TBCK: variants seen among roughly 807,000 people sequenced by gnomAD.
The protein encoded by TBCK is TBC domain-containing protein kinase-like protein.
Under a neutral mutation model 113.4 loss-of-function variants are expected in TBCK, and 99 were observed. The ratio of observed to expected loss-of-function variants is 0.87; its 90% CI spans 0.74 to 1.03. The LOEUF (loss-of-function observed/expected upper bound fraction) is 1.03. TBCK is among the 50% of genes least tolerant of loss of function. The pLI is 0.00. For synonymous variants in TBCK, 369 were observed against 370.8 expected, an observed-to-expected ratio of 1.00 and a Z score of 0.05; for missense variants, 1,045 against 1,061.3, an observed-to-expected ratio of 0.98 and a Z score of 0.21.
At chr4:106,124,838 C>T (rs1256620678) in intron 23 of TBCK, among the ~76,000 whole-genome samples, 2 of 150,340 alleles carry the variant, frequency 1.3e-5, no homozygotes, top group Admixed American at 6.7e-5. Context: ...ATATCACACT[C>T]TGGGGACTGT....
intron 24 of TBCK, among the ~76,000 whole-genome samples, chr4:106,102,240 C>A (rs989353190): frequency 2.0e-5 from 3 of 152,160 alleles, no homozygotes; most frequent in African/African-American, 7.2e-5. Context: ...CAGCTTTCTT[C>A]TTCTGTATTC....
At chr4:106,172,406 A>G (rs532479959) in intron 22 of TBCK, among the ~76,000 whole-genome samples, 2 of 152,226 alleles carry the variant, frequency 1.3e-5, no homozygotes, top group Admixed American at 1.3e-4. Context: ...CCAGTCCTCT[A>G]TGGCGAAAGT....
At chr4:106,260,172 G>A (rs1052020402) in intron 5 of TBCK, among the ~76,000 whole-genome samples, 9 of 151,804 alleles carry the variant, frequency 5.9e-5, no homozygotes, top group Non-Finnish European at 1.2e-4. Context: ...ATGAAATACA[G>A]ATAATTAGGA....
intron 23 of TBCK, among the ~76,000 whole-genome samples, chr4:106,122,036 G>A (rs1286690122): frequency 1.3e-5 from 2 of 152,134 alleles, no homozygotes; most frequent in African/African-American, 4.8e-5. Context: ...GAGCAGAACT[G>A]AAGGAAATAG....
At chr4:106,221,508 G>C (rs1480962052) in intron 19 of TBCK, among the ~76,000 whole-genome samples, 1 of 151,990 alleles carries the variant, frequency 6.6e-6, no homozygotes, top group East Asian at 1.9e-4. Context: ...ACAAAGTTCT[G>C]TCTCTAAAGG....
chr4:106,236,936 T>C (rs1579348861), intron 12 of TBCK, 128 bp from the exon 13 acceptor site: 9 of 448,100 alleles, frequency 2.0e-5, no homozygotes, highest in African/African-American at 4.1e-5. Flanking sequence ...TAAAATAGAG[T>C]CTAAAAATCA....
At chr4:106,302,325 G>C (rs1367771938) in intron 2 of TBCK, among the ~76,000 whole-genome samples, 1 of 152,102 alleles carries the variant, frequency 6.6e-6, no homozygotes, top group African/African-American at 2.4e-5. Context: ...ACAACAATCA[G>C]TAGAACGATT....
At chr4:106,160,864 CAA>C (rs1749691605) in intron 23 of TBCK, among the ~76,000 whole-genome samples, 1 of 151,794 alleles carries the variant, frequency 6.6e-6, no homozygotes, top group Non-Finnish European at 1.5e-5. Flanking sequence ...GGGAGTAACC[CAA>C]GTGTCTACTG....
chr4:106,079,912 G>A (rs1469581759), intron 25 of TBCK, among the ~76,000 whole-genome samples: 1 of 152,114 alleles, frequency 6.6e-6, no homozygotes, highest in African/African-American at 2.4e-5. Flanking sequence ...AAAGAGAGAG[G>A]TGCTACACAC....
chr4:106,116,724 C>G (rs1264732495), intron 23 of TBCK, among the ~76,000 whole-genome samples: 1 of 151,976 alleles, frequency 6.6e-6, no homozygotes, highest in African/African-American at 2.4e-5. Flanking sequence ...GAGTACAAAC[C>G]CTGTTGTGAA....
At chr4:106,263,176 T>C (rs926294115) in intron 3 of TBCK, among the ~76,000 whole-genome samples, 1 of 151,900 alleles carries the variant, frequency 6.6e-6, no homozygotes, top group African/African-American at 2.4e-5. Context: ...TTCCTTTCTA[T>C]CCATTTTTTT....
At chr4:106,254,631 T>C (rs1383621673) in intron 5 of TBCK, among the ~76,000 whole-genome samples, 4 of 152,152 alleles carry the variant, frequency 2.6e-5, no homozygotes, top group Admixed American at 2.6e-4. Flanking sequence ...TAGCCTTTTA[T>C]ATTTAAGTTT....
intron 22 of TBCK, among the ~76,000 whole-genome samples, chr4:106,186,721 G>A (rs976961121): frequency 8.5e-5 from 13 of 152,068 alleles, no homozygotes; most frequent in African/African-American, 3.1e-4. Context: ...CTGTGCAGAA[G>A]CTTAAAGAGC....
Position 106,252,014 on chromosome 4 carries a change from T to A in TBCK, c.456-7A>T, listed in dbSNP as rs747583837. 1.3e-6 allele frequency: 2 copies of A among 1,586,390 alleles called. No individual in the cohort carries two copies. Among genetic ancestry groups the A allele is most frequent in the Non-Finnish European group, 1.7e-6 (2 of 1,167,036 alleles). ...GGCCAAGTACGAGGGATACCTGTAATGATACATTAAAATAATGAAAAATTA... is the reference window on the plus strand; with the variant it reads ...GGCCAAGTACGAGGGATACCTGTAAAGATACATTAAAATAATGAAAAATTA... On this transcript the variant is annotated splice_region_variant and splice_polypyrimidine_tract_variant and intron_variant, in intron 5 of 25. Transcript: ENST00000394708.
chr4:106,302,453 G>A (rs888010213), intron 2 of TBCK, among the ~76,000 whole-genome samples: 2 of 152,118 alleles, frequency 1.3e-5, no homozygotes, highest in Non-Finnish European at 2.9e-5. Context: ...TTCCTAATTC[G>A]GTGTTTATAG....
intron 1 of TBCK, among the ~76,000 whole-genome samples, chr4:106,312,410 C>T (rs1448280216): frequency 6.6e-6 from 1 of 152,044 alleles, no homozygotes; most frequent in Admixed American, 6.5e-5. Context: ...ATCACAATGA[C>T]AAACCTTTAA....
intron 17 of TBCK, 74 bp downstream of exon 17, chr4:106,232,859 ATATTT>A: frequency 7.3e-7 from 1 of 1,378,198 alleles, no homozygotes; most frequent in Admixed American, 2.1e-5. Flanking sequence ...GGATGTTTAG[ATATTT>A]TAATTTTTTT....
chr4:106,256,364 ACTCC>A (rs1337353952), intron 5 of TBCK, among the ~76,000 whole-genome samples: 2 of 151,714 alleles, frequency 1.3e-5, no homozygotes, highest in African/African-American at 2.4e-5. Context: ...CCCCCTTCAG[ACTCC>A]CTCCCTTGCT....
rs1160783325 is a variant in TBCK, at chr4:106,197,407, GTGTGTATA to G, written c.1861-2661_1861-2654del. On this transcript the variant is annotated intron_variant, in intron 20 of 25. Transcript: ENST00000394708. Reference sequence around the variant, plus strand: ...TCTGAGTGTGTGTGTGTGTGTGTGTGTGTGTATATATATATATATATATATAATACAAA... The same window carrying G: ...TCTGAGTGTGTGTGTGTGTGTGTGTGTATATATATATATATATAATACAAA... Among the ~76,000 whole-genome samples, 88 of 101,056 alleles carry G rather than the reference GTGTGTATA, an allele frequency of 8.7e-4. 3 individuals carry two copies. Among genetic ancestry groups the G allele is most frequent in the Admixed American group, 2.9e-3 (26 of 9,054 alleles). The allele number at this position is 101,056 out of a possible 152,430, so 66.3% of individuals were successfully genotyped here. A position where few individuals can be genotyped will look rare whatever the true frequency, so the allele number is the denominator to read the frequency against.
Sources: allele counts gnomAD v4.1 joint callset (sites outside exome capture counted in the v4.1 genomes callset), GRCh38; gene constraint gnomAD v4.1.1; transcripts MANE v1.5; gene names NCBI Gene and HGNC (gene_info 2026-07-23, HGNC 2026-07-21).